Variants in SAXO1 observed in about 807,000 individuals in gnomAD.
The protein encoded by SAXO1 is 4930500O09Rik.
Under a neutral mutation model 17.5 loss-of-function variants are expected in SAXO1, and 21 were observed. That is an observed-to-expected ratio of 1.20 (90% CI 0.85 to 1.72). SAXO1 has a LOEUF of 1.72. Ranked by LOEUF, SAXO1 falls within the 40% of genes most tolerant of loss-of-function variation. The pLI, the probability that SAXO1 is intolerant of heterozygous loss-of-function variation, is 0.00. For missense variants in SAXO1, 843 were observed against 596.0 expected, an observed-to-expected ratio of 1.41 and a Z score of -4.32; for synonymous variants, 274 against 216.5, an observed-to-expected ratio of 1.27 and a Z score of -2.33.
At chr9:18,981,450 C>T (rs1181871961) in intron 1 of SAXO1, among the ~76,000 whole-genome samples, 1 of 152,170 alleles carries the variant, frequency 6.6e-6, no homozygotes, top group Non-Finnish European at 1.5e-5. Flanking sequence ...ACCCCCTTTT[C>T]CAGAGGGGCT....
At chr9:19,028,129 G>A (rs1835587157) in intron 1 of SAXO1, 4 of 1,600,644 alleles carry the variant, frequency 2.5e-6, no homozygotes, top group East Asian at 2.2e-5. Context: ...ACAGTACTAC[G>A]CCTAGGGCAC....
Position 18,928,945 on chromosome 9 carries a change from G to C in SAXO1, c.532C>G (p.Pro178Ala). 2 of 1,614,160 alleles carry C rather than the reference G, an allele frequency of 1.2e-6. No homozygotes were observed. The highest frequency in any genetic ancestry group is 1.7e-6 in the Non-Finnish European group (2 of 1,180,032). Residue 178 changes from proline (P) to alanine (A), a missense_variant, in exon 4 of 4, where the codon CCC becomes GCC. Transcript: ENST00000380534. ...DNRTTHQDDY[P>A]IKGLVKTISC... ...ATGGTCTTCACAAGGCCTTTTATGGGGTAATCGTCCTGGTGTGTGGTTCTG... is the reference window on the plus strand; with the variant it reads ...ATGGTCTTCACAAGGCCTTTTATGGCGTAATCGTCCTGGTGTGTGGTTCTG...
In SAXO1 at chr9:19,033,139, G is replaced by C. The variant is rs1000313821; in HGVS notation, c.-231C>G. The C allele has an allele frequency of 2.1e-6, 1 of 472,422 alleles. No individual in the cohort carries two copies. The highest frequency in any genetic ancestry group is 3.4e-5 in the East Asian group (1 of 29,634). 29.3% of individuals were successfully genotyped at this position (472,422 alleles called of 1,614,324 possible). A position where few individuals can be genotyped will look rare whatever the true frequency, so the allele number is the denominator to read the frequency against. Reference sequence around the variant, plus strand: ...AGGGGGCTTGCACGCGCGCCAGCCCGGGAGACCTCACCCTGCACGCCACCG... The same window carrying C: ...AGGGGGCTTGCACGCGCGCCAGCCCCGGAGACCTCACCCTGCACGCCACCG... On this transcript the variant is annotated 5_prime_UTR_variant, in exon 1 of 4. Transcript: ENST00000380534.
At chr9:19,038,000 G>C (rs1835983898), upstream of SAXO1, among the ~76,000 whole-genome samples, 1 of 152,126 alleles carries the variant, frequency 6.6e-6, no homozygotes, top group African/African-American at 2.4e-5. Context: ...TGTGTATCAT[G>C]AAAAAATGCT....
At chr9:18,984,744 T>C (rs933061049) in intron 1 of SAXO1, among the ~76,000 whole-genome samples, 1 of 152,220 alleles carries the variant, frequency 6.6e-6, no homozygotes, top group Non-Finnish European at 1.5e-5. Context: ...TTTCCCCATA[T>C]CAGCAATAAG....
intron 1 of SAXO1, among the ~76,000 whole-genome samples, chr9:19,016,717 C>A (rs568473798): frequency 2.2e-4 from 33 of 151,458 alleles, no homozygotes; most frequent in South Asian, 1.7e-3. Context: ...TAAGTTGAGC[C>A]TTTTCATAAA....
At chr9:18,934,808 G>A (rs1831218477) in intron 3 of SAXO1, among the ~76,000 whole-genome samples, 1 of 152,206 alleles carries the variant, frequency 6.6e-6, no homozygotes, top group African/African-American at 2.4e-5. Flanking sequence ...CCCATTGGGA[G>A]TTGGTTTTAC....
intron 1 of SAXO1, among the ~76,000 whole-genome samples, chr9:19,002,466 C>G (rs1203396640): frequency 2.6e-5 from 4 of 152,158 alleles, no homozygotes; most frequent in Non-Finnish European, 5.9e-5. Flanking sequence ...GGCCAATATC[C>G]CTGATGAACA....
At chr9:18,933,921 C>A (rs4977473) in intron 3 of SAXO1, among the ~76,000 whole-genome samples, 131,434 of 151,866 alleles carry the variant, frequency 0.87, 57,153 homozygotes, top group African/African-American at 0.93. Flanking sequence ...TGGCGGGCGC[C>A]TGTAGTCCCA....
At chr9:19,013,277 A>T (rs951501640) in intron 1 of SAXO1, among the ~76,000 whole-genome samples, 1 of 152,212 alleles carries the variant, frequency 6.6e-6, no homozygotes, top group Admixed American at 6.5e-5. Flanking sequence ...GTGCCTAAAG[A>T]TCTTCACCAC....
At chr9:18,947,115 C>T (rs889004048) in intron 2 of SAXO1, among the ~76,000 whole-genome samples, 21 of 152,316 alleles carry the variant, frequency 1.4e-4, no homozygotes, top group South Asian at 4.1e-4. Flanking sequence ...AGTCCAGTGC[C>T]GAGAACTCTA....
rs763068429 is a variant in SAXO1, at chr9:18,928,357, T to C, written c.1120A>G (p.Thr374Ala). ...AGGTGGGGCACATAGTGGGCCCGAG[T>C]GGTGGTCAGGCAGTCCAGGGGCTCG... ...PTEPLDCLTT[T>A]RAHYVPHLPI... The change falls in exon 4 of 4, where the codon ACT becomes GCT. Residue 374 changes from threonine to alanine, a missense_variant. Transcript: ENST00000380534. 58 of 1,611,892 alleles carry C rather than the reference T, an allele frequency of 3.6e-5. No homozygotes were observed. In the East Asian group the frequency reaches 1.3e-3, roughly 36 times the overall value.
intron 1 of SAXO1, chr9:19,028,173 G>T (rs550449877): frequency 1.5e-6 from 2 of 1,364,928 alleles, no homozygotes; most frequent in East Asian, 4.7e-5. Context: ...GCTGAAGTGC[G>T]CAATAAAAGA....
chr9:18,929,865 C>A (rs1438633810), intron 3 of SAXO1, among the ~76,000 whole-genome samples: 2 of 152,224 alleles, frequency 1.3e-5, no homozygotes, highest in African/African-American at 4.8e-5. Flanking sequence ...ACCCACTCTA[C>A]TCTCTGGTTC....
upstream of SAXO1, among the ~76,000 whole-genome samples, chr9:19,036,061 C>T (rs1411116141): frequency 1.4e-5 from 2 of 144,406 alleles, no homozygotes; most frequent in Non-Finnish European, 3.0e-5. Flanking sequence ...ACAATGAGAA[C>T]ACATGGACAC....
chr9:18,981,947 G>A (rs965372281), intron 1 of SAXO1, among the ~76,000 whole-genome samples: 11 of 152,082 alleles, frequency 7.2e-5, no homozygotes, highest in South Asian at 2.1e-4. Flanking sequence ...TGGATGAGCC[G>A]GACCCTGACA....
At position 18,960,263 on chromosome 9, in the gene SAXO1, G is replaced by C. The variant is rs111820330; in HGVS notation, c.39-9326C>G. Among the ~76,000 whole-genome samples, 1,070 of 152,276 alleles carry C rather than the reference G, an allele frequency of 7.0e-3. 18 individuals are homozygous for C. Among genetic ancestry groups the C allele is most frequent in the African/African-American group, 0.025 (1,036 of 41,528 alleles). On this transcript the variant is annotated intron_variant, in intron 1 of 3. Transcript: ENST00000380534. The stretch of plus-strand genomic sequence containing the variant: ...TTTTGCCAATGGCCTCATCACCTCA[G>C]AGGGAGACACAGAAAGAAACATGTC...
chr9:18,939,177 G>A (rs566250849), intron 3 of SAXO1, among the ~76,000 whole-genome samples: 28 of 152,276 alleles, frequency 1.8e-4, no homozygotes, highest in African/African-American at 5.3e-4. Context: ...CGTGGAAAGC[G>A]CTTACTGCAG....
At chr9:19,001,735 C>A (rs1834278700) in intron 1 of SAXO1, among the ~76,000 whole-genome samples, 1 of 151,268 alleles carries the variant, frequency 6.6e-6, no homozygotes, top group Non-Finnish European at 1.5e-5. Flanking sequence ...ATCTGAGACA[C>A]ATTTAAAGCA....
Sources: allele counts gnomAD v4.1 joint callset (sites outside exome capture counted in the v4.1 genomes callset), GRCh38; gene constraint gnomAD v4.1.1; transcripts MANE v1.5; gene names NCBI Gene and HGNC (gene_info 2026-07-23, HGNC 2026-07-21).